The following FOXN3 variants were observed in gnomAD, a reference collection of about 807,000 sequenced individuals.
The protein encoded by FOXN3 is forkhead box protein N3.
FOXN3 carries 7 observed loss-of-function variants against 38.4 expected under a neutral mutation model. The observed-to-expected ratio is 0.18, with a 90% confidence interval of 0.10 to 0.34. The LOEUF is 0.34. FOXN3 is among the 10% of genes least tolerant of loss of function. FOXN3 has a pLI of 1.00. For synonymous variants in FOXN3, 230 were observed against 242.2 expected (o/e 0.95, Z 0.47); for missense variants, 456 against 613.4 (o/e 0.74, Z 2.71).
At position 89,239,386 on chromosome 14, in the gene FOXN3, C is replaced by T. The variant is rs74503563; in HGVS notation, c.745+41564G>A. 5.9e-3 allele frequency among the ~76,000 whole-genome samples: 900 copies of T among 152,230 alleles called. 8 individuals are homozygous for T. The highest frequency in any genetic ancestry group is 0.027 in the Middle Eastern group (8 of 294). On this transcript the variant is annotated intron_variant, in intron 4 of 5. Coordinates refer to ENST00000557258, the MANE Select transcript of FOXN3 (RefSeq NM_005197.4). ...TCAGATTTCTTGGAGGGGGGAGGAG[C>T]GGTTTTTACATCTTTCCCATTTAGA...
At chr14:89,358,293 G>A (rs1002214320) in intron 2 of FOXN3, among the ~76,000 whole-genome samples, 2 of 152,224 alleles carry the variant, frequency 1.3e-5, no homozygotes, top group African/African-American at 4.8e-5. Context: ...CCAGGACTGA[G>A]ACTCACAACT....
At chr14:89,182,792 G>C (rs1168227514) in intron 4 of FOXN3, among the ~76,000 whole-genome samples, 2 of 152,116 alleles carry the variant, frequency 1.3e-5, no homozygotes, top group African/African-American at 4.8e-5. Context: ...TAGACCAATC[G>C]AACAGAAGAG....
At chr14:89,225,594 A>G (rs1314676703) in intron 4 of FOXN3, among the ~76,000 whole-genome samples, 2 of 152,082 alleles carry the variant, frequency 1.3e-5, no homozygotes, top group African/African-American at 4.8e-5. Context: ...ACAGAGCAAG[A>G]CTCCGTCTCA....
At chr14:89,397,281 T>C (rs1485481119) in intron 2 of FOXN3, among the ~76,000 whole-genome samples, 5 of 151,858 alleles carry the variant, frequency 3.3e-5, no homozygotes, top group Admixed American at 2.0e-4. Context: ...CTGGGGCCTA[T>C]TGGAGGGTGG....
At chr14:89,501,852 AAAAC>A (rs141179233) in intron 1 of FOXN3, among the ~76,000 whole-genome samples, 21 of 151,596 alleles carry the variant, frequency 1.4e-4, no homozygotes, top group South Asian at 4.2e-4. Context: ...CCATCTCAAA[AAAAC>A]AAACAAACAA....
chr14:89,440,544 T>C (rs1439681961), intron 1 of FOXN3, among the ~76,000 whole-genome samples: 1 of 152,154 alleles, frequency 6.6e-6, no homozygotes, highest in African/African-American at 2.4e-5. Context: ...AGTGATGACA[T>C]TACCTTGTGA....
chr14:89,520,467 G>A (rs975655346), intron 1 of FOXN3, among the ~76,000 whole-genome samples: 2 of 152,172 alleles, frequency 1.3e-5, no homozygotes, highest in African/African-American at 2.4e-5. Context: ...ATGAAAGTTA[G>A]AAATAGAAAG....
chr14:89,561,025 G>A (rs1330686420), intron 1 of FOXN3, among the ~76,000 whole-genome samples: 1 of 152,226 alleles, frequency 6.6e-6, no homozygotes, highest in East Asian at 1.9e-4. Context: ...AGCCTCAGCT[G>A]AGATGACTGG....
At chr14:89,617,997 C>A (rs143913463) in intron 1 of FOXN3, among the ~76,000 whole-genome samples, 1 of 152,208 alleles carries the variant, frequency 6.6e-6, no homozygotes, top group Non-Finnish European at 1.5e-5. Context: ...GCAGAGTCGG[C>A]GATCAATGAA....
intron 1 of FOXN3, among the ~76,000 whole-genome samples, chr14:89,439,372 A>T (rs1892332144): frequency 6.6e-6 from 1 of 151,820 alleles, no homozygotes; most frequent in Non-Finnish European, 1.5e-5. Flanking sequence ...GGTCATAAAA[A>T]CTCTGCTGAT....
intron 2 of FOXN3, among the ~76,000 whole-genome samples, chr14:89,411,605 G>A (rs571187932): frequency 1.7e-4 from 26 of 152,274 alleles, no homozygotes; most frequent in Non-Finnish European, 4.4e-5. Flanking sequence ...TTGGAATACT[G>A]ACCTTTGTTA....
At chr14:89,531,058 CATAT>C (rs922055059) in intron 1 of FOXN3, among the ~76,000 whole-genome samples, 7 of 146,426 alleles carry the variant, frequency 4.8e-5, no homozygotes, top group Non-Finnish European at 3.0e-5. Context: ...TATATATACA[CATAT>C]ATATTATATA....
intron 1 of FOXN3, among the ~76,000 whole-genome samples, chr14:89,472,093 T>C (rs1051266685): frequency 1.3e-5 from 2 of 151,900 alleles, no homozygotes; most frequent in Admixed American, 1.3e-4. Flanking sequence ...CTGTCTCTAC[T>C]AAAAATACAA....
At chr14:89,198,051 A>G (rs1025922619) in intron 4 of FOXN3, among the ~76,000 whole-genome samples, 1 of 152,204 alleles carries the variant, frequency 6.6e-6, no homozygotes, top group African/African-American at 2.4e-5. Context: ...TGGGTTCTGT[A>G]CCTGTGGTTT....
chr14:89,344,267 GAA>G (rs58685122), intron 3 of FOXN3, among the ~76,000 whole-genome samples: 7,792 of 130,746 alleles, frequency 0.06, 715 homozygotes, highest in African/African-American at 0.2. Flanking sequence ...GCTCATTAAA[GAA>G]AAAAAAAAAA....
At chr14:89,393,562 C>G (rs547209184) in intron 2 of FOXN3, among the ~76,000 whole-genome samples, 82 of 152,314 alleles carry the variant, frequency 5.4e-4, no homozygotes, top group Non-Finnish European at 1.0e-3. Context: ...CTCCCATGGC[C>G]ACATGGCGGC....
intron 1 of FOXN3, among the ~76,000 whole-genome samples, chr14:89,528,752 C>T (rs1894491255): frequency 6.6e-6 from 1 of 151,878 alleles, no homozygotes; most frequent in African/African-American, 2.4e-5. Context: ...CACACACACC[C>T]CTCAAAAAAG....
At chr14:89,566,863 A>T (rs1256216842) in intron 1 of FOXN3, among the ~76,000 whole-genome samples, 1 of 117,828 alleles carries the variant, frequency 8.5e-6, no homozygotes. Context: ...TCTTACTCTC[A>T]CCCCCCTCCT....
intron 3 of FOXN3, 148 bp from the exon 4 acceptor site, chr14:89,281,162 T>C: frequency 1.5e-6 from 1 of 674,736 alleles, no homozygotes; most frequent in Non-Finnish European, 2.6e-6. Flanking sequence ...TGAGGTCTGC[T>C]TTATTGTAAA....
Sources: gnomAD v4.1 joint callset for allele counts (sites outside exome capture counted in the v4.1 genomes callset) on GRCh38, gnomAD v4.1.1 for gene constraint, MANE v1.5 for transcripts, NCBI Gene and HGNC (gene_info 2026-07-23, HGNC 2026-07-21) for gene names.